Variants in DENND2B observed in about 807,000 individuals in gnomAD.
DENND2B encodes the protein DENN domain-containing protein 2B.
Under a neutral mutation model 116.0 loss-of-function variants are expected in DENND2B, and 32 were observed. The observed-to-expected ratio is 0.28, with a 90% confidence interval of 0.21 to 0.37. DENND2B has a LOEUF of 0.37. DENND2B is among the 10% of genes least tolerant of loss of function. The probability of loss-of-function intolerance (pLI) is 1.00; values close to 1 mark genes in which losing one functional copy is unlikely to be tolerated. For synonymous variants in DENND2B, 588 were observed against 583.9 expected (o/e 1.01, Z -0.10); for missense variants, 1,276 against 1,477.7 (o/e 0.86, Z 2.24).
chr11:8,739,807 C>T (rs570111160), intron 2 of DENND2B, among the ~76,000 whole-genome samples: 1 of 151,994 alleles, frequency 6.6e-6, no homozygotes, highest in Non-Finnish European at 1.5e-5. Context: ...ACCATAAATG[C>T]ACACACACAC....
chr11:8,748,779 AG>A (rs2051781980), intron 2 of DENND2B, among the ~76,000 whole-genome samples: 1 of 152,166 alleles, frequency 6.6e-6, no homozygotes, highest in South Asian at 2.1e-4. Context: ...GAGAAGCTAA[AG>A]GAAGAGCAAT....
chr11:8,704,167 G>A (rs2042192601), intron 13 of DENND2B, among the ~76,000 whole-genome samples: 1 of 152,222 alleles, frequency 6.6e-6, no homozygotes, highest in East Asian at 1.9e-4. Flanking sequence ...AAGGAGCTGA[G>A]TAGTTACAGC....
chr11:8,696,700 T>C lies in DENND2B; in HGVS notation c.3053-34A>G. 2.5e-6 allele frequency: 4 copies of C among 1,607,466 alleles called. No homozygotes were observed. In the African/African-American group the frequency reaches 4.0e-5, roughly 16 times the overall value. ...GAAAAGACAATCTTTGAGGTTCAGGTCAAGAGCCTGCAAAGCCTTCCTCAA... is the reference window on the plus strand; with the variant it reads ...GAAAAGACAATCTTTGAGGTTCAGGCCAAGAGCCTGCAAAGCCTTCCTCAA... On this transcript the variant is annotated intron_variant, in intron 17 of 19. Coordinates refer to ENST00000313726, the MANE Select transcript of DENND2B (RefSeq NM_213618.2).
At chr11:8,777,161 C>T (rs1007628190) in intron 1 of DENND2B, among the ~76,000 whole-genome samples, 2 of 152,188 alleles carry the variant, frequency 1.3e-5, no homozygotes, top group African/African-American at 2.4e-5. Context: ...ACATGCCTCA[C>T]ATCTAGTCCT....
At chr11:8,820,526 G>C (rs751205687) in intron 4 of DENND2B, among the ~76,000 whole-genome samples, 1 of 152,074 alleles carries the variant, frequency 6.6e-6, no homozygotes, top group South Asian at 2.1e-4. Flanking sequence ...TCCTAGATTA[G>C]TATTTTTTTA....
chr11:8,701,268 G>A (rs571583418), intron 14 of DENND2B, among the ~76,000 whole-genome samples: 86 of 146,410 alleles, frequency 5.9e-4, no homozygotes, highest in African/African-American at 2.0e-3. Flanking sequence ...TGGCTGCCCC[G>A]CATATTCCCA....
intron 3 of DENND2B, among the ~76,000 whole-genome samples, chr11:8,842,364 GA>G (rs1342189949): frequency 2.0e-5 from 3 of 152,140 alleles, no homozygotes; most frequent in Admixed American, 6.5e-5. Flanking sequence ...CCTCTCTTAG[GA>G]AAGGCCCAGA....
In DENND2B at chr11:8,778,870, T is replaced by C. The variant is rs116503845; in HGVS notation, c.-25-28145A>G. 9.2e-3 allele frequency among the ~76,000 whole-genome samples: 1,407 copies of C among 152,344 alleles called. 27 individuals carry two copies. The highest frequency in any genetic ancestry group is 0.033 in the African/African-American group (1,353 of 41,580). On this transcript the variant is annotated intron_variant, in intron 1 of 19. Transcript: ENST00000313726. ...ATGGTAAAGATGAAAGGGCAGTTCC[T>C]CCCCAGACTCAAGACTCTGGAGAAC...
intron 4 of DENND2B, among the ~76,000 whole-genome samples, chr11:8,833,385 G>T (rs1175056087): frequency 6.6e-6 from 1 of 152,078 alleles, no homozygotes; most frequent in Non-Finnish European, 1.5e-5. Flanking sequence ...TTTAAAAGTG[G>T]ATTACATCAT....
Position 8,707,937 on chromosome 11 carries a change from CGGA to C in DENND2B, c.2353-86_2353-84del. 6.5e-7 allele frequency: 1 copy of C among 1,547,916 alleles called. No homozygotes were observed. The highest frequency in any genetic ancestry group is 8.7e-7 in the Non-Finnish European group (1 of 1,148,676). On this transcript the variant is annotated intron_variant, in intron 11 of 19. Transcript: ENST00000313726. This position sits in a 1 kb window ranked among gnomAD's most constrained non-coding sequence, Gnocchi z 4.8. ...ATTTCTGGCTCCTTTTCCTTGGGAA[CGGA>C]GGAGTAAGGACTGCCCTTCTAGTGG...
At chr11:8,732,080 A>C (rs1230249526) in intron 2 of DENND2B, among the ~76,000 whole-genome samples, 1 of 152,146 alleles carries the variant, frequency 6.6e-6, no homozygotes, top group African/African-American at 2.4e-5. Flanking sequence ...CCCTCAGGAA[A>C]GAGTCTTTTC....
chr11:8,821,887 G>T (rs1318736366), intron 4 of DENND2B, among the ~76,000 whole-genome samples: 1 of 152,116 alleles, frequency 6.6e-6, no homozygotes, highest in East Asian at 1.9e-4. Context: ...TGCCTCCCAG[G>T]CTCAAGCAAT....
chr11:8,720,174 T>C (rs564745059), intron 4 of DENND2B, among the ~76,000 whole-genome samples: 2 of 152,272 alleles, frequency 1.3e-5, no homozygotes, highest in South Asian at 4.1e-4. Flanking sequence ...TGAGAACCAC[T>C]GCTTTAGATA....
chr11:8,811,344 G>A (rs1391936082), upstream of DENND2B: 1 of 398,490 alleles, frequency 2.5e-6, no homozygotes, highest in African/African-American at 2.1e-5. Context: ...TCCTGAAATG[G>A]AGAGCAAAGA....
At chr11:8,748,010 C>T (rs900059693) in intron 2 of DENND2B, among the ~76,000 whole-genome samples, 7 of 152,088 alleles carry the variant, frequency 4.6e-5, no homozygotes, top group Non-Finnish European at 1.0e-4. Flanking sequence ...ATCTGCCCAC[C>T]CCCGCCAGTT....
chr11:8,697,246 G>C (rs2040524939), intron 17 of DENND2B, among the ~76,000 whole-genome samples: 1 of 152,274 alleles, frequency 6.6e-6, no homozygotes, highest in Non-Finnish European at 1.5e-5. Context: ...TTCCAAGGAA[G>C]AGGAAGTGCC....
intron 8 of DENND2B, among the ~76,000 whole-genome samples, chr11:8,713,441 A>G (rs1165720721): frequency 1.3e-5 from 2 of 151,974 alleles, no homozygotes; most frequent in South Asian, 2.1e-4. Context: ...GTGCAGTGGC[A>G]TGATCTCAGC....
chr11:8,753,617 A>AG (rs1469076479), intron 1 of DENND2B, among the ~76,000 whole-genome samples: 2 of 151,802 alleles, frequency 1.3e-5, no homozygotes, highest in Non-Finnish European at 2.9e-5. Context: ...ATCTTGAAAA[A>AG]GATGAACAAA....
At chr11:8,886,215 G>A (rs181349456) in intron 1 of DENND2B, among the ~76,000 whole-genome samples, 4 of 152,194 alleles carry the variant, frequency 2.6e-5, no homozygotes, top group East Asian at 1.9e-4. Flanking sequence ...GATTACAGGC[G>A]TGAGCCACCA....
Sources: gnomAD v4.1 joint callset for allele counts (sites outside exome capture counted in the v4.1 genomes callset) on GRCh38, gnomAD v4.1.1 for gene constraint, Gnocchi (gnomAD v3.1) non-coding constraint, MANE v1.5 for transcripts, NCBI Gene and HGNC (gene_info 2026-07-23, HGNC 2026-07-21) for gene names.